CRLS1: variants seen among roughly 807,000 people sequenced by gnomAD.
CRLS1 encodes the protein cardiolipin synthase 1, also known as cardiolipin synthase (CMP-forming).
Under a neutral mutation model 37.0 loss-of-function variants are expected in CRLS1, and 24 were observed. That is an observed-to-expected ratio of 0.65 (90% confidence interval 0.47 to 0.91). The LOEUF (loss-of-function observed/expected upper bound fraction) is 0.91, where lower values mean the gene tolerates loss of function less well. Among genes scored for constraint, CRLS1 ranks in the 40% least tolerant of loss-of-function variants. The pLI is 0.00. For missense variants in CRLS1, 373 were observed against 395.8 expected (o/e 0.94, Z 0.49); for synonymous variants, 135 against 159.7 (o/e 0.85, Z 1.17).
intron 2 of CRLS1, among the ~76,000 whole-genome samples, chr20:6,011,115 G>C (rs903416348): frequency 3.3e-5 from 5 of 152,132 alleles, no homozygotes; most frequent in Non-Finnish European, 7.4e-5. Context: ...GGCAGAGTTA[G>C]CAGGAGAAAT....
chr20:6,010,886 A>G (rs370499950), intron 2 of CRLS1, among the ~76,000 whole-genome samples: 2 of 152,268 alleles, frequency 1.3e-5, no homozygotes, highest in East Asian at 3.9e-4. Context: ...GCATGGTGGC[A>G]TACGCCTGCA....
intron 3 of CRLS1, among the ~76,000 whole-genome samples, chr20:6,027,855 C>T (rs569131598): frequency 6.6e-6 from 1 of 152,304 alleles, no homozygotes; most frequent in Admixed American, 6.5e-5. Context: ...TTAGGGAACG[C>T]TTGGGGCGGG....
rs767332546 is a variant in CRLS1 at position 6,031,268 on chromosome 20, TTA to T, written c.575-15_575-14del. 1 of 1,560,522 alleles carries T rather than the reference TTA, an allele frequency of 6.4e-7. No homozygotes were observed. The highest frequency in any genetic ancestry group is 1.1e-5 in the South Asian group (1 of 87,514). On this transcript the variant is annotated splice_polypyrimidine_tract_variant and intron_variant, in intron 3 of 6. Transcript: ENST00000378863. ...CTTCAGAATCCCAGTTAAAATTATT[TTA>T]TGTTTGATTTTCAGTTCCACTTACT...
chr20:6,022,412 C>G (rs148023553), intron 3 of CRLS1, among the ~76,000 whole-genome samples: 4 of 142,974 alleles, frequency 2.8e-5, no homozygotes, highest in African/African-American at 7.8e-5. Context: ...GATCTCGGCT[C>G]ACTGCATTCT....
intron 3 of CRLS1, among the ~76,000 whole-genome samples, chr20:6,019,735 C>T (rs1372872375): frequency 7.0e-6 from 1 of 143,594 alleles, no homozygotes; most frequent in Non-Finnish European, 1.5e-5. Context: ...GATCTCAGCT[C>T]ACTGCAACCT....
intron 2 of CRLS1, among the ~76,000 whole-genome samples, chr20:6,012,429 G>A (rs994949459): frequency 6.6e-6 from 1 of 152,142 alleles, no homozygotes; most frequent in African/African-American, 2.4e-5. Flanking sequence ...GAGTTGGAGA[G>A]AAGTGTGTGG....
intron 3 of CRLS1, among the ~76,000 whole-genome samples, chr20:6,017,963 A>G (rs1978889075): frequency 6.6e-6 from 1 of 152,136 alleles, no homozygotes; most frequent in Non-Finnish European, 1.5e-5. Flanking sequence ...TGCCCCTGTA[A>G]TCGCAGCACT....
chr20:6,013,921 G>T (rs1158738586), intron 2 of CRLS1, among the ~76,000 whole-genome samples: 1 of 152,134 alleles, frequency 6.6e-6, no homozygotes, highest in African/African-American at 2.4e-5. Context: ...ATCTAGTGTG[G>T]ATTAGAGGAA....
At chr20:6,034,340 A>T in intron 5 of CRLS1, 124 bp from the exon 6 acceptor site, 1 of 650,184 alleles carries the variant, frequency 1.5e-6, no homozygotes, top group Non-Finnish European at 2.7e-6. Flanking sequence ...GATAGTGTAG[A>T]TGAACAGCAA....
In CRLS1 at chr20:6,015,420, T is replaced by G. The variant is rs1382806772; in HGVS notation, c.504T>G (p.Leu168=). 2 of 1,611,520 alleles carry G rather than the reference T, an allele frequency of 1.2e-6. No individual in the cohort carries two copies. Among genetic ancestry groups the G allele is most frequent in the Non-Finnish European group, 1.7e-6 (2 of 1,178,204 alleles). The change falls in exon 3 of 7, where the codon CTT becomes CTG. Residue 168 remains leucine (L), a synonymous_variant. Coordinates refer to ENST00000378863, the MANE Select transcript of CRLS1 (RefSeq NM_019095.6). ...AAAGATCAGCTTTGGGAAGTGCTCT[T>G]GATCCACTTGCTGATAAAATACTTA... The part of the protein sequence containing the change: ...ANQRSALGSA[L]DPLADKILIS...
chr20:6,020,716 G>A (rs2122968582), intron 3 of CRLS1, among the ~76,000 whole-genome samples: 1 of 151,386 alleles, frequency 6.6e-6, no homozygotes, highest in East Asian at 1.9e-4. Context: ...TCTGCCTCCT[G>A]GGTTCACGCC....
upstream of CRLS1, chr20:6,006,028 C>G (rs1406481975): frequency 2.9e-6 from 1 of 350,750 alleles, no homozygotes; most frequent in Admixed American, 4.8e-5. Context: ...CCGGGAAGCC[C>G]GACGACGACG....
At chr20:6,031,991 T>TC in intron 4 of CRLS1, 21 bp from the exon 5 acceptor site, 1 of 1,586,444 alleles carries the variant, frequency 6.3e-7, no homozygotes, top group Non-Finnish European at 8.6e-7. Flanking sequence ...AATTACTTTA[T>TC]CTTTTTTGGT....
At chr20:6,017,977 G>C (rs548077668) in intron 3 of CRLS1, among the ~76,000 whole-genome samples, 23 of 152,114 alleles carry the variant, frequency 1.5e-4, no homozygotes, top group Admixed American at 5.2e-4. Context: ...CAGCACTTTG[G>C]GGGGCTGAGG....
chr20:6,006,020 G>A (rs1284737967), upstream of CRLS1: 8 of 346,596 alleles, frequency 2.3e-5, no homozygotes, highest in East Asian at 2.6e-4. Flanking sequence ...CAGGGGCGCC[G>A]GGAAGCCCGA....
At position 6,031,294 on chromosome 20, in the gene CRLS1, C is replaced by A. The variant is rs745695219; in HGVS notation, c.584C>A (p.Thr195Asn). ...TATGTTTGATTTTCAGTTCCACTTA[C>A]TTACATGATCATTTCGAGAGATGTA... ...TYADLIPVPL[T>N]YMIISRDVML... The change falls in exon 4 of 7, where the codon ACT becomes AAT. Residue 195 changes from threonine (T) to asparagine (N), a missense_variant. Coordinates refer to ENST00000378863, the MANE Select transcript of CRLS1 (RefSeq NM_019095.6). The A allele has an allele frequency of 2.5e-6, 4 of 1,604,936 alleles. No homozygotes were observed. The Admixed American group carries it at 6.8e-5, about 27-fold the overall frequency.
In CRLS1 at chr20:6,038,412, G is replaced by T. The variant is rs567825221; in HGVS notation, c.*1254G>T. 6.6e-6 allele frequency: 1 copy of T among 152,330 alleles called. No homozygotes were observed. Among genetic ancestry groups the T allele is most frequent in the African/African-American group, 2.4e-5 (1 of 41,462 alleles). The allele number at this position is 152,330 out of a possible 1,614,324, so 9.4% of individuals were successfully genotyped here. On this transcript the variant is annotated 3_prime_UTR_variant, in exon 7 of 7. Coordinates refer to ENST00000378863, the MANE Select transcript of CRLS1 (RefSeq NM_019095.6). ...ATGGGAGGCTGTAAGTAAAACTCATGCCTCTTGGCCAGGCATTCTGCACCA... is the reference window on the plus strand; with the variant it reads ...ATGGGAGGCTGTAAGTAAAACTCATTCCTCTTGGCCAGGCATTCTGCACCA...
chr20:6,031,553 A>G (rs536668220), intron 4 of CRLS1, among the ~76,000 whole-genome samples, 183 bp downstream of exon 4: 2 of 152,218 alleles, frequency 1.3e-5, no homozygotes, highest in Non-Finnish European at 2.9e-5. Flanking sequence ...CATATTGTCT[A>G]ATTTAACCTC....
rs1366641772 is a variant in CRLS1, at chr20:6,037,166, C to T, written c.*8C>T. 2 of 1,600,700 alleles carry T rather than the reference C, an allele frequency of 1.2e-6. No individual in the cohort carries two copies. The highest frequency in any genetic ancestry group is 1.3e-5 in the African/African-American group (1 of 74,794). The stretch of plus-strand genomic sequence containing the variant: ...CAGGTGATAAAAGACTGATGAAAGT[C>T]ATCCCTCACTGTTAGTAAGGAAGCA... On this transcript the variant is annotated 3_prime_UTR_variant, in exon 7 of 7. Transcript: ENST00000378863.
Sources: allele counts gnomAD v4.1 joint callset (sites outside exome capture counted in the v4.1 genomes callset), GRCh38; gene constraint gnomAD v4.1.1; transcripts MANE v1.5; gene names NCBI Gene and HGNC (gene_info 2026-07-23, HGNC 2026-07-21).